EPC2: variants seen among roughly 807,000 people sequenced by gnomAD.
EPC2 encodes the protein enhancer of polycomb homolog 2.
A neutral mutation model predicts 92.1 loss-of-function variants in EPC2; 14 were observed. The observed-to-expected ratio is 0.15, with a 90% CI of 0.10 to 0.24. The LOEUF is 0.24. EPC2 is among the 10% of genes least tolerant of loss of function. The probability of loss-of-function intolerance (pLI) is 1.00; values close to 1 mark genes in which losing one functional copy is unlikely to be tolerated. For synonymous variants in EPC2, 340 were observed against 334.7 expected, an observed-to-expected ratio of 1.02 and a Z score of -0.17; for missense variants, 755 against 971.5, an observed-to-expected ratio of 0.78 and a Z score of 2.96.
chr2:148,697,047 A>G (rs1362203607), intron 2 of EPC2, among the ~76,000 whole-genome samples: 2 of 152,216 alleles, frequency 1.3e-5, no homozygotes, highest in Non-Finnish European at 2.9e-5. Flanking sequence ...TGCTAAGCCA[A>G]TTATTGCTCA....
chr2:148,745,226 A>G (rs1682962860), intron 3 of EPC2, among the ~76,000 whole-genome samples: 1 of 151,984 alleles, frequency 6.6e-6, no homozygotes, highest in South Asian at 2.1e-4. Flanking sequence ...GTTTTTCTTT[A>G]GATGTAAATT....
intron 2 of EPC2, among the ~76,000 whole-genome samples, chr2:148,736,454 G>T (rs1364021382): frequency 2.6e-5 from 4 of 151,840 alleles, no homozygotes; most frequent in Non-Finnish European, 5.9e-5. Context: ...ATTTCCACAG[G>T]GTGCTCTTGT....
chr2:148,662,321 A>C (rs1410419247), intron 1 of EPC2, among the ~76,000 whole-genome samples: 1 of 152,222 alleles, frequency 6.6e-6, no homozygotes, highest in South Asian at 2.1e-4. Flanking sequence ...TACTGGGTAT[A>C]TACCCAAAGG....
chr2:148,786,268 A>G (rs1242632827), intron 13 of EPC2, 37 bp from the exon 14 acceptor site: 3 of 1,489,150 alleles, frequency 2.0e-6, no homozygotes, highest in African/African-American at 1.4e-5. Flanking sequence ...TCTAGAGAGT[A>G]TTGATATTTA....
At chr2:148,707,513 G>A (rs561417089) in intron 2 of EPC2, among the ~76,000 whole-genome samples, 204 of 152,038 alleles carry the variant, frequency 1.3e-3, no homozygotes, top group South Asian at 7.1e-3. Context: ...AGACATCTAC[G>A]GAACTCTCCA....
chr2:148,769,337 C>T (rs1384221195), intron 8 of EPC2, 97 bp downstream of exon 8: 51 of 814,422 alleles, frequency 6.3e-5, no homozygotes, highest in Non-Finnish European at 5.3e-5. Flanking sequence ...ATGGGAAATG[C>T]ATCAGTACTT....
chr2:148,668,986 G>C (rs1157095289), intron 1 of EPC2, among the ~76,000 whole-genome samples: 1 of 151,856 alleles, frequency 6.6e-6, no homozygotes, highest in Non-Finnish European at 1.5e-5. Flanking sequence ...TTTTAATACA[G>C]GTGTTTAGTG....
intron 2 of EPC2, among the ~76,000 whole-genome samples, chr2:148,696,335 A>T (rs1238123564): frequency 6.6e-6 from 1 of 152,188 alleles, no homozygotes; most frequent in Non-Finnish European, 1.5e-5. Flanking sequence ...CAAACTAATC[A>T]TTGGGTAGTC....
intron 10 of EPC2, among the ~76,000 whole-genome samples, chr2:148,778,399 C>T (rs994561948): frequency 3.3e-5 from 5 of 152,090 alleles, no homozygotes; most frequent in Non-Finnish European, 5.9e-5. Context: ...TACCTCTTCC[C>T]GATGTACTTT....
intron 1 of EPC2, among the ~76,000 whole-genome samples, chr2:148,646,337 A>C (rs981680837): frequency 6.6e-6 from 1 of 152,192 alleles, no homozygotes; most frequent in African/African-American, 2.4e-5. Flanking sequence ...CCCTGTTAAT[A>C]CTACTTTGCT....
chr2:148,734,004 A>G (rs1224650821), intron 2 of EPC2, among the ~76,000 whole-genome samples: 1 of 152,178 alleles, frequency 6.6e-6, no homozygotes, highest in Admixed American at 6.5e-5. Context: ...TTTCCAAGAA[A>G]ATGGAAAACA....
chr2:148,682,647 A>C (rs980165940), intron 1 of EPC2, among the ~76,000 whole-genome samples: 18 of 152,120 alleles, frequency 1.2e-4, no homozygotes, highest in Non-Finnish European at 8.8e-5. Flanking sequence ...GGTTTCTACA[A>C]GGGCCTTCTC....
At chr2:148,681,842 G>A (rs1394038921) in intron 1 of EPC2, among the ~76,000 whole-genome samples, 2 of 151,984 alleles carry the variant, frequency 1.3e-5, no homozygotes, top group East Asian at 1.9e-4. Flanking sequence ...TTTACATTAG[G>A]TATTTCTCCT....
At chr2:148,777,071 G>A (rs367886520) in intron 10 of EPC2, among the ~76,000 whole-genome samples, 2 of 151,570 alleles carry the variant, frequency 1.3e-5, no homozygotes, top group Admixed American at 6.6e-5. Flanking sequence ...TGTTGCCCAG[G>A]CTAGTCTTGA....
intron 3 of EPC2, among the ~76,000 whole-genome samples, chr2:148,752,551 G>A (rs1165529798): frequency 1.3e-5 from 2 of 152,110 alleles, no homozygotes; most frequent in Non-Finnish European, 2.9e-5. Flanking sequence ...CTCAAATGTA[G>A]TTAAGCTACC....
Position 148,652,754 on chromosome 2 carries a change from TGG to T in EPC2, c.153+7585_153+7586del, listed in dbSNP as rs1680713938. On this transcript the variant is annotated intron_variant, in intron 1 of 13. Coordinates refer to ENST00000258484, the MANE Select transcript of EPC2 (RefSeq NM_015630.4). The stretch of plus-strand genomic sequence containing the variant: ...TAATACTGCTGAGATCCTGTCAATT[TGG>T]CTTATCGTTCTTTTATGAGGATCGA... Among the ~76,000 whole-genome samples, 3 of 152,350 alleles carry T rather than the reference TGG, an allele frequency of 2.0e-5. No homozygotes were observed. The South Asian group carries it at 6.2e-4, about 32-fold the overall frequency.
chr2:148,720,512 T>C (rs1193786238), intron 2 of EPC2, among the ~76,000 whole-genome samples: 1 of 152,204 alleles, frequency 6.6e-6, no homozygotes, highest in African/African-American at 2.4e-5. Context: ...GACACGTTTG[T>C]TGGAGATCCC....
intron 4 of EPC2, among the ~76,000 whole-genome samples, chr2:148,758,584 C>T (rs998666617): frequency 2.0e-5 from 3 of 151,898 alleles, no homozygotes; most frequent in African/African-American, 4.8e-5. Flanking sequence ...TTAGTGGAGA[C>T]GGGGTTTCAC....
intron 2 of EPC2, among the ~76,000 whole-genome samples, chr2:148,700,226 T>C (rs902413807): frequency 1.3e-5 from 2 of 152,202 alleles, no homozygotes; most frequent in African/African-American, 2.4e-5. Context: ...TTAATTTTAA[T>C]GAAGTCCAGC....
Sources: allele counts gnomAD v4.1 joint callset (sites outside exome capture counted in the v4.1 genomes callset), GRCh38; gene constraint gnomAD v4.1.1; transcripts MANE v1.5; gene names NCBI Gene and HGNC (gene_info 2026-07-23, HGNC 2026-07-21).